The following SPMIP2 variants were observed in gnomAD, a reference collection of about 807,000 sequenced individuals.
The protein encoded by SPMIP2 is protein SPMIP2.
the SPMIP2 span, among the ~76,000 whole-genome samples, chr4:158,959,708 G>A: frequency 6.6e-6 from 1 of 152,050 alleles, no homozygotes; most frequent in African/African-American, 2.4e-5. Flanking sequence ...TTCCCTCTTA[G>A]GAATCTGAAT....
the SPMIP2 span, among the ~76,000 whole-genome samples, chr4:158,967,500 G>A: frequency 6.6e-6 from 1 of 152,114 alleles, no homozygotes; most frequent in African/African-American, 2.4e-5. Flanking sequence ...CACTCATCTG[G>A]GAAAGAACAG....
the SPMIP2 span, among the ~76,000 whole-genome samples, chr4:159,022,149 G>A: frequency 6.6e-6 from 1 of 152,110 alleles, no homozygotes; most frequent in South Asian, 2.1e-4. Context: ...GATGTGGGAG[G>A]TATTATTTCC....
At chr4:159,034,034 G>T in the SPMIP2 span, among the ~76,000 whole-genome samples, 1 of 152,210 alleles carries the variant, frequency 6.6e-6, no homozygotes, top group Non-Finnish European at 1.5e-5. Context: ...CTACTCGGGA[G>T]ACTGAGGCAG....
the SPMIP2 span, among the ~76,000 whole-genome samples, chr4:159,018,712 A>G: frequency 6.6e-6 from 1 of 152,154 alleles, no homozygotes; most frequent in Non-Finnish European, 1.5e-5. Flanking sequence ...ACTGCAATCA[A>G]TTTGGGATAA....
At chr4:158,931,756 T>C in the SPMIP2 span, among the ~76,000 whole-genome samples, 1 of 151,792 alleles carries the variant, frequency 6.6e-6, no homozygotes, top group Non-Finnish European at 1.5e-5. Context: ...AGGGATGGGG[T>C]TTCACCATGT....
chr4:158,955,700 C>T, the SPMIP2 span, among the ~76,000 whole-genome samples: 1 of 152,222 alleles, frequency 6.6e-6, no homozygotes, highest in Non-Finnish European at 1.5e-5. Flanking sequence ...GCCACTATGC[C>T]TGGCCTGAGC....
At chr4:159,075,091 T>C in the SPMIP2 span, among the ~76,000 whole-genome samples, 8 of 152,192 alleles carry the variant, frequency 5.3e-5, no homozygotes, top group African/African-American at 1.9e-4. Context: ...ACTCTATTAG[T>C]TGAACCTGCC....
the SPMIP2 span, among the ~76,000 whole-genome samples, chr4:158,983,698 A>T: frequency 1.1e-5 from 1 of 87,156 alleles, no homozygotes; most frequent in Non-Finnish European, 2.3e-5. Context: ...TCATGCCAAA[A>T]TGTAAAGACC....
chr4:158,895,096 TA>T, the SPMIP2 span, among the ~76,000 whole-genome samples: 3 of 152,102 alleles, frequency 2.0e-5, no homozygotes, highest in Non-Finnish European at 2.9e-5. Context: ...TGCTATTCTC[TA>T]AAAAAATGAA....
At chr4:159,068,461 G>A in the SPMIP2 span, among the ~76,000 whole-genome samples, 1 of 145,060 alleles carries the variant, frequency 6.9e-6, no homozygotes, top group Non-Finnish European at 1.5e-5. Context: ...ATTGAACAAT[G>A]AGAACACATG....
chr4:158,930,507 C>T, the SPMIP2 span, among the ~76,000 whole-genome samples: 1 of 144,694 alleles, frequency 6.9e-6, no homozygotes, highest in Non-Finnish European at 1.5e-5. Flanking sequence ...TAATGCCTGG[C>T]TTTTTTTTTT....
At chr4:158,988,526 A>C in the SPMIP2 span, among the ~76,000 whole-genome samples, 5 of 152,166 alleles carry the variant, frequency 3.3e-5, no homozygotes, top group African/African-American at 1.2e-4. Context: ...AGCACATCAA[A>C]AATCTCATCC....
the SPMIP2 span, among the ~76,000 whole-genome samples, chr4:159,060,801 TA>T: frequency 1.9e-3 from 284 of 152,254 alleles, no homozygotes; most frequent in Admixed American, 5.4e-3. Context: ...ATATATAGCA[TA>T]GGCTGGGTGC....
the SPMIP2 span, among the ~76,000 whole-genome samples, chr4:158,987,818 A>C: frequency 6.6e-6 from 1 of 151,970 alleles, no homozygotes; most frequent in Admixed American, 6.6e-5. Context: ...TGACACCCTA[A>C]CATCACAATT....
the SPMIP2 span, among the ~76,000 whole-genome samples, chr4:158,909,219 C>G: frequency 3.3e-5 from 5 of 151,998 alleles, no homozygotes; most frequent in Non-Finnish European, 7.4e-5. Flanking sequence ...AAAAAATATG[C>G]CACTGAGAGC....
At chr4:159,052,800 A>AT in the SPMIP2 span, among the ~76,000 whole-genome samples, 6 of 149,610 alleles carry the variant, frequency 4.0e-5, no homozygotes, top group Non-Finnish European at 8.9e-5. Context: ...CGCCTGGCTA[A>AT]TTTTTTGTAT....
chr4:159,075,789 CT>C, the SPMIP2 span, among the ~76,000 whole-genome samples: 355 of 144,956 alleles, frequency 2.4e-3, no homozygotes, highest in East Asian at 5.4e-3. Flanking sequence ...TTTGACTCAT[CT>C]TTTTTTTTTT....
At chr4:158,894,302 C>T in the SPMIP2 span, among the ~76,000 whole-genome samples, 5 of 151,622 alleles carry the variant, frequency 3.3e-5, no homozygotes, top group Admixed American at 1.3e-4. Flanking sequence ...TCCTGATTAG[C>T]TAGGACTACA....
At chr4:158,925,027 T>TTTG in the SPMIP2 span, among the ~76,000 whole-genome samples, 1 of 152,216 alleles carries the variant, frequency 6.6e-6, no homozygotes, top group Non-Finnish European at 1.5e-5. Flanking sequence ...TTGTTATATC[T>TTTG]TTGTCTGCTT....
Sources: gnomAD v4.1 joint callset for allele counts (sites outside exome capture counted in the v4.1 genomes callset) on GRCh38, gnomAD v4.1.1 for gene constraint, MANE v1.5 for transcripts, NCBI Gene and HGNC (gene_info 2026-07-23, HGNC 2026-07-21) for gene names.